TRUB1: variants seen among roughly 807,000 people sequenced by gnomAD.
TRUB1 encodes the protein pseudouridylate synthase TRUB1.
A neutral mutation model predicts 33.9 loss-of-function variants in TRUB1; 23 were observed. The observed-to-expected ratio is 0.68, with a 90% confidence interval of 0.49 to 0.96. TRUB1 has a LOEUF of 0.96. Ranked by LOEUF, TRUB1 falls within the 40% of genes least tolerant of loss-of-function variation. The pLI is 0.00. For synonymous variants in TRUB1, 163 were observed against 165.4 expected (o/e 0.99, Z 0.11); for missense variants, 378 against 422.2 (o/e 0.90, Z 0.92).
chr10:114,946,679 A>G (rs2084212931), intron 2 of TRUB1, among the ~76,000 whole-genome samples: 1 of 151,810 alleles, frequency 6.6e-6, no homozygotes, highest in Non-Finnish European at 1.5e-5. Flanking sequence ...AAACAAACAA[A>G]ACTAAAACTG....
chr10:114,945,709 C>T (rs1053371334), intron 2 of TRUB1, among the ~76,000 whole-genome samples: 4 of 152,022 alleles, frequency 2.6e-5, no homozygotes, highest in African/African-American at 7.2e-5. Flanking sequence ...CATCAGCTAT[C>T]GTTAGTGTAT....
chr10:114,951,263 CTGAG>C (rs2084234254), intron 3 of TRUB1, 114 bp downstream of exon 3: 1 of 718,814 alleles, frequency 1.4e-6, no homozygotes, highest in Non-Finnish European at 2.4e-6. Context: ...GGTATCATTC[CTGAG>C]TATTAATTAT....
At chr10:114,940,190 C>T (rs970647031) in intron 1 of TRUB1, among the ~76,000 whole-genome samples, 57 of 152,232 alleles carry the variant, frequency 3.7e-4, no homozygotes, top group African/African-American at 2.6e-4. Context: ...GGCAAGATCT[C>T]GGCTCACTGC....
intron 4 of TRUB1, among the ~76,000 whole-genome samples, chr10:114,968,083 GTA>G (rs927378304): frequency 4.6e-5 from 7 of 152,102 alleles, no homozygotes; most frequent in Admixed American, 3.3e-4. Flanking sequence ...GTACGTGTGT[GTA>G]TGTGTGTGTG....
chr10:114,942,957 A>T (rs111968230), intron 2 of TRUB1, among the ~76,000 whole-genome samples: 7,897 of 152,272 alleles, frequency 0.052, 251 homozygotes, highest in African/African-American at 0.074. Flanking sequence ...TTATGTGTGG[A>T]TGGGACTTTG....
In TRUB1 at chr10:114,970,352, TG is replaced by T; in HGVS notation, c.524-15del. 6.3e-7 allele frequency: 1 copy of T among 1,580,120 alleles called. No homozygotes were observed. The highest frequency in any genetic ancestry group is 8.7e-7 in the Non-Finnish European group (1 of 1,152,004). The stretch of plus-strand genomic sequence containing the variant: ...TCTGTGGTTGTTTTAGTGTCTTTTT[TG>T]TTGATTTTTGGCAGATAAAATAACA... On this transcript the variant is annotated splice_polypyrimidine_tract_variant and intron_variant, in intron 4 of 7. Transcript: ENST00000298746.
At chr10:114,968,277 T>C (rs1369904963) in intron 4 of TRUB1, among the ~76,000 whole-genome samples, 5 of 152,194 alleles carry the variant, frequency 3.3e-5, no homozygotes, top group Non-Finnish European at 7.3e-5. Context: ...TGTGTGATGA[T>C]ATCAGCAAAA....
chr10:114,967,414 A>G (rs922719965), intron 4 of TRUB1, among the ~76,000 whole-genome samples: 1 of 152,222 alleles, frequency 6.6e-6, no homozygotes, highest in East Asian at 1.9e-4. Flanking sequence ...GTAGTCAAAT[A>G]TGATTTTTAA....
intron 3 of TRUB1, among the ~76,000 whole-genome samples, chr10:114,955,457 G>A (rs1445014083): frequency 6.6e-6 from 1 of 152,158 alleles, no homozygotes; most frequent in Non-Finnish European, 1.5e-5. Flanking sequence ...AATCTAACTA[G>A]CATGTCCAGA....
At position 114,969,150 on chromosome 10, in the gene TRUB1, G is replaced by A. The variant is rs373927104; in HGVS notation, c.524-1218G>A. 3.5e-4 allele frequency among the ~76,000 whole-genome samples: 52 copies of A among 148,620 alleles called. 1 individual carries two copies. Among genetic ancestry groups the A allele is most frequent in the East Asian group, 1.2e-3 (6 of 5,096 alleles). On this transcript the variant is annotated intron_variant, in intron 4 of 7. Coordinates refer to ENST00000298746, the MANE Select transcript of TRUB1 (RefSeq NM_139169.5). ...TTTTTTTTTTTTAAATATGGAACAC[G>A]GTCAGGTACAGTGGCTCACACCTGT...
At chr10:114,945,761 A>T (rs2084208587) in intron 2 of TRUB1, among the ~76,000 whole-genome samples, 1 of 152,100 alleles carries the variant, frequency 6.6e-6, no homozygotes, top group Non-Finnish European at 1.5e-5. Context: ...ATTGTGACCC[A>T]GGGAAGCCAA....
intron 6 of TRUB1, among the ~76,000 whole-genome samples, chr10:114,973,863 T>TG (rs1016297779): frequency 2.6e-5 from 4 of 152,144 alleles, no homozygotes; most frequent in Non-Finnish European, 4.4e-5. Context: ...GTTGGTTGGT[T>TG]GGTTGGTTGT....
chr10:114,959,615 A>C, intron 3 of TRUB1, 111 bp from the exon 4 acceptor site: 1 of 714,992 alleles, frequency 1.4e-6, no homozygotes, highest in Non-Finnish European at 2.5e-6. Flanking sequence ...TTTAGCCTGT[A>C]TTTTGTATCA....
intron 1 of TRUB1, 138 bp from the exon 2 acceptor site, chr10:114,942,507 T>C: frequency 1.7e-6 from 1 of 579,632 alleles, no homozygotes; most frequent in Non-Finnish European, 3.1e-6. Flanking sequence ...AATGAGGTCA[T>C]AGTCTCTTAA....
intron 2 of TRUB1, among the ~76,000 whole-genome samples, chr10:114,945,659 A>C (rs752389545): frequency 7.9e-5 from 12 of 152,164 alleles, no homozygotes; most frequent in Non-Finnish European, 1.5e-4. Context: ...CTTTCTTAAA[A>C]CATCATGAGT....
rs541083972 is a variant in TRUB1 at position 114,944,640 on chromosome 10, CAA to C, written c.385+1898_385+1899del. On this transcript the variant is annotated intron_variant, in intron 2 of 7. Transcript: ENST00000298746. ...CGCCACTGCACTCCAGCCTGGGTGA[CAA>C]GAGTGAAACTCTTGTCTCAGTAAAT... Among the ~76,000 whole-genome samples the C allele has an allele frequency of 1.5e-3, 234 of 151,954 alleles. 1 individual carries two copies. The highest frequency in any genetic ancestry group is 4.9e-3 in the African/African-American group (203 of 41,408).
At chr10:114,945,885 G>A (rs1321333137) in intron 2 of TRUB1, among the ~76,000 whole-genome samples, 1 of 152,094 alleles carries the variant, frequency 6.6e-6, no homozygotes, top group East Asian at 1.9e-4. Context: ...TTTTCTGGTT[G>A]GAGGCTCAAT....
intron 1 of TRUB1, among the ~76,000 whole-genome samples, chr10:114,942,081 G>C (rs1409773832): frequency 2.2e-4 from 33 of 152,266 alleles, no homozygotes; most frequent in Non-Finnish European, 2.9e-5. Context: ...ACAGCACCCG[G>C]CCTAGATTCG....
intron 2 of TRUB1, among the ~76,000 whole-genome samples, chr10:114,946,427 C>T (rs1048429261): frequency 6.6e-6 from 1 of 152,020 alleles, no homozygotes; most frequent in African/African-American, 2.4e-5. Context: ...CTGCAACCTC[C>T]ACCTCCCAAA....
Sources: gnomAD v4.1 joint callset for allele counts (sites outside exome capture counted in the v4.1 genomes callset) on GRCh38, gnomAD v4.1.1 for gene constraint, MANE v1.5 for transcripts, NCBI Gene and HGNC (gene_info 2026-07-23, HGNC 2026-07-21) for gene names.